Variants in HECW1 observed in about 807,000 individuals in gnomAD.
The protein encoded by HECW1 is HECT, C2 and WW domain containing E3 ubiquitin protein ligase 1, also known as E3 ubiquitin-protein ligase HECW1.
A neutral mutation model predicts 182.3 loss-of-function variants in HECW1; 61 were observed. The ratio of observed to expected loss-of-function variants is 0.33; its 90% confidence interval spans 0.27 to 0.41. The LOEUF (loss-of-function observed/expected upper bound fraction) is 0.41. Among genes scored for constraint, HECW1 ranks in the 10% least tolerant of loss-of-function variants. The probability of loss-of-function intolerance (pLI) is 1.00; values close to 1 mark genes in which losing one functional copy is unlikely to be tolerated. For missense variants in HECW1, 1,739 were observed against 2,108.9 expected, an observed-to-expected ratio of 0.82 and a Z score of 3.44; for synonymous variants, 859 against 832.6, an observed-to-expected ratio of 1.03 and a Z score of -0.55.
At chr7:43,146,795 C>T (rs1583685561) in intron 2 of HECW1, among the ~76,000 whole-genome samples, 1 of 152,236 alleles carries the variant, frequency 6.6e-6, no homozygotes, top group South Asian at 2.1e-4. Flanking sequence ...GGCAGCAGGG[C>T]ACTGGCCAAG....
At chr7:43,495,859 C>T (rs2079101021) in intron 19 of HECW1, among the ~76,000 whole-genome samples, 2 of 152,054 alleles carry the variant, frequency 1.3e-5, no homozygotes, top group African/African-American at 2.4e-5. Context: ...GTTTTTGACG[C>T]GTGGTTGTTC....
intron 3 of HECW1, among the ~76,000 whole-genome samples, chr7:43,297,215 G>A (rs1312854057): frequency 6.6e-6 from 1 of 152,170 alleles, no homozygotes; most frequent in Non-Finnish European, 1.5e-5. Context: ...ATATTCAATG[G>A]ATGTTTGTTC....
chr7:43,366,628 C>A (rs1816686388), intron 6 of HECW1, among the ~76,000 whole-genome samples: 1 of 152,158 alleles, frequency 6.6e-6, no homozygotes. Flanking sequence ...AATAAATGGT[C>A]TTGAGCCCTT....
intron 3 of HECW1, chr7:43,249,547 G>A (rs1799812119): frequency 6.6e-6 from 1 of 152,180 alleles, no homozygotes; most frequent in African/African-American, 2.4e-5. Context: ...TACATTAAAG[G>A]GAAATGTATT....
In HECW1 at chr7:43,289,744, G is replaced by A. The variant is rs552794365; in HGVS notation, c.28-22019G>A. Among the ~76,000 whole-genome samples the A allele has an allele frequency of 7.2e-5, 11 of 152,374 alleles. No individual in the cohort carries two copies. In the East Asian group the frequency reaches 2.1e-3, roughly 29 times the overall value. Reference sequence around the variant, plus strand: ...CAATCTCAAGAGGTCCTGAGAAAGTGTGGCCCAGGTGGTTACAGTTTGGTT... The same window carrying A: ...CAATCTCAAGAGGTCCTGAGAAAGTATGGCCCAGGTGGTTACAGTTTGGTT... On this transcript the variant is annotated intron_variant, in intron 3 of 29. Coordinates refer to ENST00000395891, the MANE Select transcript of HECW1 (RefSeq NM_015052.5).
intron 5 of HECW1, among the ~76,000 whole-genome samples, chr7:43,326,879 C>G (rs1220588277): frequency 1.3e-5 from 2 of 152,230 alleles, no homozygotes; most frequent in African/African-American, 2.4e-5. Flanking sequence ...GGCGAAGCAG[C>G]CAGAGCCAGA....
intron 8 of HECW1, among the ~76,000 whole-genome samples, chr7:43,435,885 C>T (rs2076693739): frequency 1.3e-5 from 2 of 152,144 alleles, no homozygotes; most frequent in Non-Finnish European, 1.5e-5. Flanking sequence ...GATTGCTAGG[C>T]CGGGCGTGGT....
intron 2 of HECW1, among the ~76,000 whole-genome samples, chr7:43,232,684 T>C (rs1797990576): frequency 1.3e-5 from 2 of 152,178 alleles, no homozygotes; most frequent in Non-Finnish European, 2.9e-5. Flanking sequence ...TTAAAACTTC[T>C]TGCTTACAGT....
chr7:43,247,933 AAG>A (rs141906259), intron 3 of HECW1, among the ~76,000 whole-genome samples: 30,539 of 119,760 alleles, frequency 0.26, 6,388 homozygotes, highest in African/African-American at 0.56. Context: ...AAGAGGAAAA[AAG>A]AGAGAGAAAA....
intron 2 of HECW1, among the ~76,000 whole-genome samples, chr7:43,225,430 T>C (rs1459010072): frequency 6.6e-6 from 1 of 152,124 alleles, no homozygotes; most frequent in Non-Finnish European, 1.5e-5. Context: ...AAACCACTCA[T>C]ATGTATAACC....
chr7:43,126,718 G>A (rs954113876), intron 2 of HECW1, among the ~76,000 whole-genome samples: 10 of 152,140 alleles, frequency 6.6e-5, no homozygotes, highest in African/African-American at 2.2e-4. Context: ...AACAGCATGT[G>A]CTCACTTAGT....
rs1230893018 is a variant in HECW1 at position 43,432,146 on chromosome 7, T to C, written c.802-5857T>C. Among the ~76,000 whole-genome samples the C allele has an allele frequency of 2.2e-5, 1 of 45,164 alleles. No homozygotes were observed. Among genetic ancestry groups the C allele is most frequent in the South Asian group, 6.2e-4 (1 of 1,606 alleles). 29.6% of individuals were successfully genotyped at this position (45,164 alleles called of 152,430 possible). A position where few individuals can be genotyped will look rare whatever the true frequency, so the allele number is the denominator to read the frequency against. On this transcript the variant is annotated intron_variant, in intron 8 of 29. Coordinates refer to ENST00000395891, the MANE Select transcript of HECW1 (RefSeq NM_015052.5). The surrounding 1 kb of genome is among the most constrained non-coding windows in gnomAD (Gnocchi z 4.1). ...CCCGGCCAGTTGTTTATTTTATTTC[T>C]TTTTTTTTTTTGAGACGGAGTCTCG...
rs780601042 is a variant in HECW1, at chr7:43,463,679, A to G, written c.2671A>G (p.Thr891Ala). 1.9e-6 allele frequency: 3 copies of G among 1,613,942 alleles called. No individual in the cohort carries two copies. In the South Asian group the frequency reaches 3.3e-5, roughly 18 times the overall value. ...LNRRYQNIQR[T>A]IATERSEEDS... The stretch of plus-strand genomic sequence containing the variant: ...GCAAAGGTATCAAAACATTCAGCGA[A>G]CCATTGCAACAGAGAGGTCCGAAGA... The change falls in exon 14 of 30, where the codon ACC (threonine) becomes GCC (alanine). Residue 891 changes from threonine (T) to alanine (A), a missense_variant. Thr to Ala is a moderately conservative substitution (Grantham distance 58). This residue lies in a region of HECW1 where 971 missense variants were observed against 1,029.1 expected (regional missense o/e 0.94). Coordinates refer to ENST00000395891, the MANE Select transcript of HECW1 (RefSeq NM_015052.5).
chr7:43,206,623 C>T (rs1161321953), intron 2 of HECW1, among the ~76,000 whole-genome samples: 1 of 152,180 alleles, frequency 6.6e-6, no homozygotes, highest in Non-Finnish European at 1.5e-5. Context: ...AAAAGCCTTA[C>T]AATGCCCAGC....
At chr7:43,313,637 G>A (rs12154658) in intron 4 of HECW1, among the ~76,000 whole-genome samples, 10,616 of 152,186 alleles carry the variant, frequency 0.07, 475 homozygotes, top group Middle Eastern at 0.13. Context: ...GCCCTCGGCC[G>A]CATATTTTGT....
At chr7:43,359,839 A>T (rs1164407952) in intron 5 of HECW1, among the ~76,000 whole-genome samples, 2 of 152,358 alleles carry the variant, frequency 1.3e-5, no homozygotes, top group East Asian at 3.9e-4. Flanking sequence ...AGGGACCAAG[A>T]CATAGCCTGG....
intron 2 of HECW1, among the ~76,000 whole-genome samples, chr7:43,223,584 A>G (rs897319738): frequency 4.0e-5 from 6 of 151,440 alleles, no homozygotes; most frequent in African/African-American, 1.5e-4. Flanking sequence ...GCACCATTCC[A>G]CTCCAGCTTG....
At chr7:43,532,880 G>A (rs1258464657) in intron 24 of HECW1, among the ~76,000 whole-genome samples, 2 of 152,244 alleles carry the variant, frequency 1.3e-5, no homozygotes, top group Non-Finnish European at 2.9e-5. Context: ...AATGTGCAGA[G>A]TGGAGCACAA....
At chr7:43,329,367 A>G (rs897404897) in intron 5 of HECW1, among the ~76,000 whole-genome samples, 19 of 152,188 alleles carry the variant, frequency 1.2e-4, no homozygotes, top group Admixed American at 3.3e-4. Flanking sequence ...TAGAAACTGC[A>G]TTCTGGCAGA....
Sources: allele counts gnomAD v4.1 joint callset (sites outside exome capture counted in the v4.1 genomes callset), GRCh38; gene constraint gnomAD v4.1.1; regional missense constraint gnomAD v4.1.1; non-coding constraint Gnocchi (gnomAD v3.1); transcripts MANE v1.5; gene names NCBI Gene and HGNC (gene_info 2026-07-23, HGNC 2026-07-21).